ANKRD31: variants seen among roughly 807,000 people sequenced by gnomAD.
ANKRD31 encodes ankyrin repeat domain-containing protein 31.
A neutral mutation model predicts 186.0 loss-of-function variants in ANKRD31; 147 were observed. The ratio of observed to expected loss-of-function variants is 0.79; its 90% CI spans 0.69 to 0.91. ANKRD31 has a LOEUF of 0.91. ANKRD31 is among the 40% of genes least tolerant of loss of function. The pLI, the probability that ANKRD31 is intolerant of heterozygous loss-of-function variation, is 0.00. For synonymous variants in ANKRD31, 673 were observed against 736.4 expected, an observed-to-expected ratio of 0.91 and a Z score of 1.39; for missense variants, 1,986 against 2,148.8, an observed-to-expected ratio of 0.92 and a Z score of 1.50.
intron 10 of ANKRD31, among the ~76,000 whole-genome samples, chr5:75,176,808 C>T (rs1350688822): frequency 2.6e-5 from 4 of 152,140 alleles, no homozygotes; most frequent in Non-Finnish European, 5.9e-5. Context: ...AAACCGGAAA[C>T]TCTAAAAATC....
chr5:75,162,233 G>A (rs992632297), intron 11 of ANKRD31, among the ~76,000 whole-genome samples: 5 of 152,308 alleles, frequency 3.3e-5, no homozygotes, highest in South Asian at 4.1e-4. Flanking sequence ...AGCTGCCCAC[G>A]ACCATGGAAA....
chr5:75,074,054 A>T (rs1208176462), intron 25 of ANKRD31, among the ~76,000 whole-genome samples: 1 of 152,124 alleles, frequency 6.6e-6, no homozygotes, highest in Non-Finnish European at 1.5e-5. Flanking sequence ...ACTCCACTCA[A>T]GTTCACTGTC....
intron 5 of ANKRD31, among the ~76,000 whole-genome samples, chr5:75,201,467 G>A (rs1458833256): frequency 6.6e-6 from 1 of 152,114 alleles, no homozygotes; most frequent in Non-Finnish European, 1.5e-5. Flanking sequence ...ACCTTTGGAA[G>A]GAGAGGTTTT....
intron 23 of ANKRD31, among the ~76,000 whole-genome samples, chr5:75,089,454 G>A (rs1745763427): frequency 6.6e-6 from 1 of 152,132 alleles, no homozygotes; most frequent in Non-Finnish European, 1.5e-5. Flanking sequence ...CTCAGAACTA[G>A]TCAGTAGAAA....
intron 25 of ANKRD31, among the ~76,000 whole-genome samples, chr5:75,077,010 C>CT (rs1467583081): frequency 6.6e-6 from 1 of 152,000 alleles, no homozygotes; most frequent in Non-Finnish European, 1.5e-5. Flanking sequence ...AGTTCAATGC[C>CT]TTTTTTAAAA....
At chr5:75,113,172 C>T (rs1333251518) in intron 19 of ANKRD31, among the ~76,000 whole-genome samples, 24 of 152,246 alleles carry the variant, frequency 1.6e-4, no homozygotes, top group Admixed American at 1.5e-3. Flanking sequence ...GGCTCTGGAA[C>T]CAGACTTTCA....
intron 22 of ANKRD31, among the ~76,000 whole-genome samples, chr5:75,093,489 A>C (rs1175848711): frequency 2.6e-5 from 4 of 152,116 alleles, no homozygotes; most frequent in Non-Finnish European, 5.9e-5. Flanking sequence ...TCACAACAAC[A>C]ACAACAACAA....
At chr5:75,203,640 G>A (rs1201840087) in intron 5 of ANKRD31, among the ~76,000 whole-genome samples, 1 of 143,544 alleles carries the variant, frequency 7.0e-6, no homozygotes, top group East Asian at 2.0e-4. Context: ...TCCAGCCTGG[G>A]CGAAAGAGAG....
chr5:75,135,797 T>A (rs934007259), intron 17 of ANKRD31, among the ~76,000 whole-genome samples: 19 of 152,194 alleles, frequency 1.2e-4, no homozygotes, highest in Non-Finnish European at 1.9e-4. Flanking sequence ...CAAAACAGCA[T>A]GGTACTGGCA....
At chr5:75,107,688 A>G in intron 20 of ANKRD31, 71 bp from the exon 21 acceptor site, 1 of 858,996 alleles carries the variant, frequency 1.2e-6, no homozygotes, top group Non-Finnish European at 1.8e-6. Flanking sequence ...TACGAGAATT[A>G]GCCCTATTGT....
chr5:75,087,067 C>T (rs1745548042), intron 23 of ANKRD31, among the ~76,000 whole-genome samples: 1 of 152,168 alleles, frequency 6.6e-6, no homozygotes, highest in Non-Finnish European at 1.5e-5. Flanking sequence ...TATTTCTGTA[C>T]ATCTTATGTA....
intron 1 of ANKRD31, among the ~76,000 whole-genome samples, chr5:75,234,506 C>T (rs2081120398): frequency 1.3e-5 from 2 of 152,186 alleles, no homozygotes; most frequent in Admixed American, 1.3e-4. Context: ...CCAGACTGGA[C>T]AATAGTGTAA....
chr5:75,100,278 G>T (rs2150048498), intron 22 of ANKRD31, among the ~76,000 whole-genome samples: 1 of 152,308 alleles, frequency 6.6e-6, no homozygotes, highest in Middle Eastern at 3.4e-3. Context: ...TTGCACTGTG[G>T]TCTGAGAGAC....
intron 10 of ANKRD31, among the ~76,000 whole-genome samples, chr5:75,172,399 C>T (rs1180453929): frequency 1.3e-5 from 2 of 149,280 alleles, no homozygotes; most frequent in Non-Finnish European, 3.0e-5. Flanking sequence ...TAAGAATAGG[C>T]TCCTTGATAG....
chr5:75,204,088 T>C (rs1260715200), intron 5 of ANKRD31, among the ~76,000 whole-genome samples: 3 of 152,166 alleles, frequency 2.0e-5, no homozygotes, highest in Non-Finnish European at 4.4e-5. Context: ...AAAATTACTA[T>C]TTAACATTTA....
rs1299830169 is a variant in ANKRD31, at chr5:75,151,382, G to A, written c.1853-2754C>T. Among the ~76,000 whole-genome samples, 4 of 152,138 alleles carry A rather than the reference G, an allele frequency of 2.6e-5. No individual in the cohort carries two copies. The South Asian group carries it at 8.3e-4, about 32-fold the overall frequency. ...CTCCCATAATCCCCATGTGTCATGG[G>A]AGGAACCCAGCGGGAGGTAATTGAA... On this transcript the variant is annotated intron_variant, in intron 12 of 25. Transcript: ENST00000506364.
intron 25 of ANKRD31, among the ~76,000 whole-genome samples, chr5:75,076,460 G>A (rs1467853578): frequency 6.6e-6 from 1 of 152,184 alleles, no homozygotes; most frequent in African/African-American, 2.4e-5. Context: ...TGGAAGAGAT[G>A]CATAGGACAA....
chr5:75,222,455 G>A, intron 2 of ANKRD31, 97 bp from the exon 3 acceptor site: 1 of 799,662 alleles, frequency 1.3e-6, no homozygotes, highest in South Asian at 1.8e-5. Flanking sequence ...ATGTTATCAA[G>A]AATCATCTAG....
chr5:75,211,328 A>G (rs1025642093), intron 3 of ANKRD31, among the ~76,000 whole-genome samples: 1 of 152,166 alleles, frequency 6.6e-6, no homozygotes, highest in Non-Finnish European at 1.5e-5. Flanking sequence ...ATTTTCTTCC[A>G]TTTTAAGACT....
Sources: allele counts gnomAD v4.1 joint callset (sites outside exome capture counted in the v4.1 genomes callset), GRCh38; gene constraint gnomAD v4.1.1; transcripts MANE v1.5; gene names NCBI Gene and HGNC (gene_info 2026-07-23, HGNC 2026-07-21).